GPA33: variants seen among roughly 807,000 people sequenced by gnomAD.
The protein encoded by GPA33 is cell surface A33 antigen.
A neutral mutation model predicts 35.6 loss-of-function variants in GPA33; 27 were observed. The ratio of observed to expected loss-of-function variants is 0.76; its 90% confidence interval spans 0.56 to 1.04. The LOEUF (loss-of-function observed/expected upper bound fraction) is 1.04. GPA33 is among the 50% of genes least tolerant of loss of function. The probability of loss-of-function intolerance (pLI) is 0.00; values close to 1 mark genes in which losing one functional copy is unlikely to be tolerated. For synonymous variants in GPA33, 176 were observed against 164.0 expected, an observed-to-expected ratio of 1.07 and a Z score of -0.56; for missense variants, 428 against 411.9, an observed-to-expected ratio of 1.04 and a Z score of -0.34.
At chr1:167,062,646 C>CTTTTT (rs768326263) in intron 4 of GPA33, among the ~76,000 whole-genome samples, 13,809 of 79,382 alleles carry the variant, frequency 0.17, 1,686 homozygotes, top group East Asian at 0.26. Context: ...ATAGCTCTTT[C>CTTTTT]TTTTTTTTTT....
chr1:167,056,878 T>C (rs1213778062), intron 4 of GPA33, among the ~76,000 whole-genome samples: 5 of 123,772 alleles, frequency 4.0e-5, no homozygotes, highest in African/African-American at 1.5e-4. Flanking sequence ...GTGTGTGGTG[T>C]GTGTGGTGTG....
At chr1:167,068,734 A>G (rs1666651700) in intron 3 of GPA33, among the ~76,000 whole-genome samples, 188 bp downstream of exon 3, 1 of 152,232 alleles carries the variant, frequency 6.6e-6, no homozygotes, top group African/African-American at 2.4e-5. Flanking sequence ...CCATTGGCGG[A>G]GAACTCAGAA....
intron 6 of GPA33, 21 bp downstream of exon 6, chr1:167,054,955 G>C: frequency 6.2e-7 from 1 of 1,613,740 alleles, no homozygotes; most frequent in Non-Finnish European, 8.5e-7. Context: ...CTTCCAACAG[G>C]CTACCAGCCC....
intron 3 of GPA33, among the ~76,000 whole-genome samples, chr1:167,068,276 C>T (rs1438982504): frequency 2.0e-5 from 3 of 152,240 alleles, no homozygotes; most frequent in Non-Finnish European, 2.9e-5. Flanking sequence ...TTTCCAATAA[C>T]GATTTGACTT....
At chr1:167,066,895 A>C (rs745497832) in intron 3 of GPA33, among the ~76,000 whole-genome samples, 20 of 152,020 alleles carry the variant, frequency 1.3e-4, no homozygotes, top group Non-Finnish European at 2.6e-4. Context: ...TGCTGCCCCG[A>C]GGCGCGGGCT....
At chr1:167,066,454 G>A (rs1279630923) in intron 3 of GPA33, among the ~76,000 whole-genome samples, 2 of 152,152 alleles carry the variant, frequency 1.3e-5, no homozygotes, top group Non-Finnish European at 2.9e-5. Context: ...ATCAGCCTTA[G>A]GGCGGAATGT....
At position 167,060,448 on chromosome 1, in the gene GPA33, G is replaced by A. The variant is rs144519204; in HGVS notation, c.571+3134C>T. Among the ~76,000 whole-genome samples the A allele has an allele frequency of 2.4e-3, 366 of 152,240 alleles. 2 individuals are homozygous for A. The highest frequency in any genetic ancestry group is 8.0e-3 in the African/African-American group (332 of 41,536). On this transcript the variant is annotated intron_variant, in intron 4 of 6. Coordinates refer to ENST00000367868, the MANE Select transcript of GPA33 (RefSeq NM_005814.3). Reference sequence around the variant, plus strand: ...GCTTTGAGAACTCTGCCCTCACCCCGCAATGTCTCCAGATGCCAGGGCATG... The same window carrying A: ...GCTTTGAGAACTCTGCCCTCACCCCACAATGTCTCCAGATGCCAGGGCATG...
At chr1:167,079,056 A>C (rs1666876885) in intron 1 of GPA33, among the ~76,000 whole-genome samples, 1 of 152,210 alleles carries the variant, frequency 6.6e-6, no homozygotes, top group Non-Finnish European at 1.5e-5. Context: ...GTGAGCTGTC[A>C]AAAAAGAATA....
intron 1 of GPA33, among the ~76,000 whole-genome samples, chr1:167,076,460 C>A (rs543883919): frequency 6.6e-6 from 1 of 152,184 alleles, no homozygotes; most frequent in South Asian, 2.1e-4. Flanking sequence ...ACCGTCCCCC[C>A]GCCCAGCTGG....
intron 4 of GPA33, among the ~76,000 whole-genome samples, chr1:167,061,703 C>T (rs1306190342): frequency 1.3e-5 from 2 of 149,756 alleles, no homozygotes; most frequent in Non-Finnish European, 3.0e-5. Context: ...CCCAGGTTCA[C>T]GCCATTCTCC....
At chr1:167,086,577 A>T (rs529449405) in intron 1 of GPA33, among the ~76,000 whole-genome samples, 1 of 152,184 alleles carries the variant, frequency 6.6e-6, no homozygotes, top group Non-Finnish European at 1.5e-5. Flanking sequence ...AGTGTAGGGC[A>T]CCACATTTAG....
chr1:167,054,367 A>C lies in GPA33; in HGVS notation c.927T>G (p.Thr309=), dbSNP rs540631759. Residue 309 remains threonine, a synonymous_variant, in exon 7 of 7, where the codon ACT becomes ACG. Transcript: ENST00000367868. ...DDYRQEEQRS[T]GRESPDHLDQ ...CGAGGTGGTCCGGGGATTCACGCCC[A>C]GTGCTCCTCTGCTCTTCTTGCCTGT... 6.2e-7 allele frequency: 1 copy of C among 1,614,100 alleles called. No homozygotes were observed. The highest frequency in any genetic ancestry group is 2.2e-5 in the East Asian group (1 of 44,874).
chr1:167,065,427 T>A (rs1221090164), intron 3 of GPA33, among the ~76,000 whole-genome samples: 2 of 152,054 alleles, frequency 1.3e-5, no homozygotes, highest in African/African-American at 2.4e-5. Context: ...TCCTTGGAGG[T>A]GAGAAGGGGA....
At chr1:167,080,489 A>T (rs967393217) in intron 1 of GPA33, among the ~76,000 whole-genome samples, 3 of 152,202 alleles carry the variant, frequency 2.0e-5, no homozygotes, top group African/African-American at 7.2e-5. Context: ...CTTCTCTCTC[A>T]TAAAACTTTA....
intron 3 of GPA33, among the ~76,000 whole-genome samples, chr1:167,064,837 G>A (rs952706961): frequency 2.6e-5 from 4 of 152,152 alleles, no homozygotes; most frequent in African/African-American, 4.8e-5. Context: ...CCATAAGCAC[G>A]GGATGATGGG....
chr1:167,083,976 C>T (rs928599159), intron 1 of GPA33, among the ~76,000 whole-genome samples: 11 of 152,170 alleles, frequency 7.2e-5, no homozygotes, highest in African/African-American at 2.4e-5. Context: ...ACAAATCCTG[C>T]TATCCACCCT....
intron 3 of GPA33, 48 bp from the exon 4 acceptor site, chr1:167,063,785 G>C (rs1666523170): frequency 6.5e-7 from 1 of 1,539,040 alleles, no homozygotes; most frequent in African/African-American, 1.4e-5. Context: ...GGTGGGGCTT[G>C]GTGACAGCCA....
intron 1 of GPA33, among the ~76,000 whole-genome samples, chr1:167,077,033 C>T (rs1666835687): frequency 6.6e-6 from 1 of 152,086 alleles, no homozygotes; most frequent in Non-Finnish European, 1.5e-5. Context: ...TGGTAAAACC[C>T]TGCCTCTACT....
chr1:167,057,875 G>A (rs191490306), intron 4 of GPA33, among the ~76,000 whole-genome samples: 28 of 152,296 alleles, frequency 1.8e-4, no homozygotes, highest in Middle Eastern at 3.4e-3. Flanking sequence ...TTCAGGTCTA[G>A]AACTCCCTGG....
Sources: gnomAD v4.1 joint callset for allele counts (sites outside exome capture counted in the v4.1 genomes callset) on GRCh38, gnomAD v4.1.1 for gene constraint, MANE v1.5 for transcripts, NCBI Gene and HGNC (gene_info 2026-07-23, HGNC 2026-07-21) for gene names.